The following CCDC3 variants were observed in gnomAD, a reference collection of about 807,000 sequenced individuals.
CCDC3 encodes the protein coiled-coil domain containing 3, also known as coiled-coil domain-containing protein 3.
A neutral mutation model predicts 21.4 loss-of-function variants in CCDC3; 24 were observed. That is an observed-to-expected ratio of 1.12 (90% CI 0.81 to 1.58). The LOEUF is 1.58. Among genes scored for constraint, CCDC3 ranks in the 40% most tolerant of loss-of-function variants. The pLI, the probability that CCDC3 is intolerant of heterozygous loss-of-function variation, is 0.00. For missense variants in CCDC3, 425 were observed against 360.9 expected (o/e 1.18, Z -1.44); for synonymous variants, 186 against 166.0 (o/e 1.12, Z -0.93).
At chr10:13,071,931 C>T (rs1412402916) in intron 4 of CCDC3, among the ~76,000 whole-genome samples, 2 of 152,168 alleles carry the variant, frequency 1.3e-5, no homozygotes, top group Non-Finnish European at 2.9e-5. Context: ...CCTTCAGATG[C>T]ATTCTCCAAA....
intron 2 of CCDC3, among the ~76,000 whole-genome samples, chr10:12,947,830 T>A (rs1361110513): frequency 6.6e-6 from 1 of 152,262 alleles, no homozygotes; most frequent in Non-Finnish European, 1.5e-5. Flanking sequence ...GGTCAGGTAT[T>A]GTGCTAAGCA....
At chr10:13,081,163 TAAA>T (rs35141816) in intron 3 of CCDC3, among the ~76,000 whole-genome samples, 34 of 128,402 alleles carry the variant, frequency 2.6e-4, no homozygotes, top group Non-Finnish European at 2.5e-4. Context: ...AACTATAAAG[TAAA>T]AAAAAAAAAA....
chr10:12,910,611 A>AATTT (rs1554753179), intron 2 of CCDC3, among the ~76,000 whole-genome samples: 38 of 105,212 alleles, frequency 3.6e-4, no homozygotes, highest in Middle Eastern at 6.1e-3. Flanking sequence ...AAAAAAAAAA[A>AATTT]TTTTTTTTTT....
chr10:12,998,470 G>A lies in CCDC3; in HGVS notation c.417C>T (p.Phe139=). 6.2e-7 allele frequency: 1 copy of A among 1,614,128 alleles called. No individual in the cohort carries two copies. Among genetic ancestry groups the A allele is most frequent in the East Asian group, 2.2e-5 (1 of 44,884 alleles). The change falls in exon 2 of 3, where the codon TTC becomes TTT. Residue 139 remains phenylalanine (F), a synonymous_variant. Transcript: ENST00000378825. ...GAGTGTCTGGGAAGATGGCATCTTG[G>A]AAATTGACTCCGTGAGGCAAGAGGT... ...NYNLLPHGVN[F]QDAIFPDTQE...
chr10:13,022,245 C>T (rs1836156203), intron 5 of CCDC3, among the ~76,000 whole-genome samples: 1 of 152,172 alleles, frequency 6.6e-6, no homozygotes, highest in South Asian at 2.1e-4. Context: ...AAGCAATCCT[C>T]TCTCTCTTTT....
chr10:13,052,738 G>A (rs550002968), intron 4 of CCDC3, among the ~76,000 whole-genome samples: 7 of 151,976 alleles, frequency 4.6e-5, no homozygotes, highest in Middle Eastern at 3.4e-3. Context: ...CCAGGAGTTC[G>A]AGACCAGCCT....
chr10:12,911,288 G>A (rs11258060), intron 2 of CCDC3, among the ~76,000 whole-genome samples: 34,220 of 152,064 alleles, frequency 0.23, 4,589 homozygotes, highest in African/African-American at 0.37. Flanking sequence ...ACTAAAAAAC[G>A]GGGACTCTAT....
At chr10:13,062,820 T>G (rs1304631110) in intron 4 of CCDC3, among the ~76,000 whole-genome samples, 1 of 152,168 alleles carries the variant, frequency 6.6e-6, no homozygotes, top group Non-Finnish European at 1.5e-5. Context: ...CTCCCTAAAC[T>G]GCTCCTAAGA....
At chr10:13,090,510 T>C (rs1000765511) in intron 3 of CCDC3, among the ~76,000 whole-genome samples, 2 of 152,208 alleles carry the variant, frequency 1.3e-5, no homozygotes, top group Non-Finnish European at 2.9e-5. Flanking sequence ...ACTAAGTCCA[T>C]ATTTCCAAGC....
chr10:12,976,753 G>C lies in CCDC3; in HGVS notation c.549+21585C>G, dbSNP rs75043824. Reference sequence around the variant, plus strand: ...CAGGGGATTCTTGGGGCAGTGAAGTGGCTCTGTCCGATACTACAGTGGTGG... The same window carrying C: ...CAGGGGATTCTTGGGGCAGTGAAGTCGCTCTGTCCGATACTACAGTGGTGG... On this transcript the variant is annotated intron_variant, in intron 2 of 2. Coordinates refer to ENST00000378825, the MANE Select transcript of CCDC3 (RefSeq NM_031455.4). Among the ~76,000 whole-genome samples the C allele has an allele frequency of 7.7e-3, 1,177 of 152,304 alleles. 22 individuals carry two copies. Among genetic ancestry groups the C allele is most frequent in the African/African-American group, 0.027 (1,130 of 41,566 alleles).
intron 3 of CCDC3, among the ~76,000 whole-genome samples, chr10:13,085,323 G>T (rs1022986182): frequency 2.0e-5 from 3 of 152,166 alleles, no homozygotes; most frequent in Admixed American, 6.5e-5. Context: ...GCTTCAAGAT[G>T]ACTCAGTGTC....
rs923745344 is a variant in CCDC3, at chr10:12,949,910, T to G, written c.549+48428A>C. Reference sequence around the variant, plus strand: ...ATCTAATGTATATTTGGTGACCGTGTAGACCCAGAGATACACACTTCAAAG... The same window carrying G: ...ATCTAATGTATATTTGGTGACCGTGGAGACCCAGAGATACACACTTCAAAG... On this transcript the variant is annotated intron_variant, in intron 2 of 2. Transcript: ENST00000378825. 4.6e-5 allele frequency among the ~76,000 whole-genome samples: 7 copies of G among 152,338 alleles called. No homozygotes were observed. The South Asian group carries it at 8.3e-4, about 18-fold the overall frequency.
rs762152074 is a variant in CCDC3 at position 12,898,418 on chromosome 10, AC to A, written c.810del (p.Ter271AsnfsTer17). ...ACACCTGGCAGCCCCCAGGCCCGTT[AC>A]CCCCGCAGGTAGGGGGGGCGCACGG... ...RGPVRPPYLR[G>X] On this transcript the variant is annotated frameshift_variant, in exon 3 of 3. Transcript: ENST00000378825. LOFTEE classifies it high-confidence loss of function. 20 of 1,595,674 alleles carry A rather than the reference AC, an allele frequency of 1.3e-5. No individual in the cohort carries two copies. Among genetic ancestry groups the A allele is most frequent in the Admixed American group, 1.7e-5 (1 of 58,062 alleles).
At chr10:13,011,827 A>G (rs1384454440) in intron 5 of CCDC3, among the ~76,000 whole-genome samples, 1 of 152,210 alleles carries the variant, frequency 6.6e-6, no homozygotes, top group East Asian at 1.9e-4. Context: ...TCAAAACAGC[A>G]TGGTAGTGGC....
At chr10:13,037,334 GAAGAT>G (rs1729642671) in intron 5 of CCDC3, among the ~76,000 whole-genome samples, 1 of 151,974 alleles carries the variant, frequency 6.6e-6, no homozygotes. Flanking sequence ...TAATTAAAAA[GAAGAT>G]AATACCTTAT....
chr10:13,026,308 A>G (rs1176681596), intron 5 of CCDC3, among the ~76,000 whole-genome samples: 5 of 152,234 alleles, frequency 3.3e-5, no homozygotes, highest in African/African-American at 7.2e-5. Flanking sequence ...ATTATATACA[A>G]TAGTACTTTC....
intron 2 of CCDC3, among the ~76,000 whole-genome samples, chr10:12,971,762 T>C (rs955957864): frequency 1.3e-5 from 2 of 152,168 alleles, no homozygotes; most frequent in Non-Finnish European, 2.9e-5. Flanking sequence ...CTCAGCTCAC[T>C]GCAACCTCCG....
intron 2 of CCDC3, among the ~76,000 whole-genome samples, chr10:12,904,468 TAAAA>T (rs55772750): frequency 1.5e-4 from 6 of 40,918 alleles, no homozygotes; most frequent in Admixed American, 9.5e-4. Flanking sequence ...AAGCCAGTCT[TAAAA>T]AAAAAAAAAA....
rs957066927 is a variant in CCDC3, at chr10:13,043,793, G to A, written c.-2+5881C>T. ...AGGTTGATTCCATGTCTTTGCTATT[G>A]TCAATATTGCTTGTGATGAACATAT... On this transcript the variant is annotated intron_variant, in intron 5 of 6. Transcript: ENST00000378839. 3.9e-5 allele frequency among the ~76,000 whole-genome samples: 6 copies of A among 152,080 alleles called. No individual in the cohort carries two copies. The South Asian group carries it at 1.0e-3, about 26-fold the overall frequency.
Sources: allele counts gnomAD v4.1 joint callset (sites outside exome capture counted in the v4.1 genomes callset), GRCh38; gene constraint gnomAD v4.1.1; transcripts MANE v1.5; gene names NCBI Gene and HGNC (gene_info 2026-07-23, HGNC 2026-07-21).